ZNF468: variants seen among roughly 807,000 people sequenced by gnomAD.
ZNF468 encodes zinc finger protein 468, also known as zinc finger protein ZNF468.
Under a neutral mutation model 7.2 loss-of-function variants are expected in ZNF468, and 8 were observed. The ratio of observed to expected loss-of-function variants is 1.11; its 90% CI spans 0.65 to 2.01. The LOEUF (loss-of-function observed/expected upper bound fraction) is 2.01, where lower values mean the gene tolerates loss of function less well. Ranked by LOEUF, ZNF468 falls within the 30% of genes most tolerant of loss-of-function variation. The pLI, the probability that ZNF468 is intolerant of heterozygous loss-of-function variation, is 0.00. For synonymous variants in ZNF468, 218 were observed against 214.4 expected (o/e 1.02, Z -0.15); for missense variants, 608 against 626.5 (o/e 0.97, Z 0.31).
rs1009707569 is a variant in ZNF468 at position 52,841,410 on chromosome 19, C to A, written c.884G>T (p.Gly295Val). ...SLFIHKALHT[G>V]EKPYECEECD... Reference sequence around the variant, plus strand: ...TTCTTCACATTCATAAGGTTTCTCTCCAGTATGAAGCGCTTTGTGAATGAA... The same window carrying A: ...TTCTTCACATTCATAAGGTTTCTCTACAGTATGAAGCGCTTTGTGAATGAA... The change falls in exon 4 of 4, where the codon GGA becomes GTA. Residue 295 changes from glycine to valine, a missense_variant. Physicochemically the swap from Gly to Val is moderately radical, Grantham distance 109. Coordinates refer to ENST00000595646, the MANE Select transcript of ZNF468 (RefSeq NM_001008801.2). The A allele has an allele frequency of 6.2e-7, 1 of 1,613,902 alleles. No homozygotes were observed. The highest frequency in any genetic ancestry group is 8.5e-7 in the Non-Finnish European group (1 of 1,180,008).
chr19:52,843,995 G>T (rs548316368), intron 3 of ZNF468, among the ~76,000 whole-genome samples: 1 of 152,100 alleles, frequency 6.6e-6, no homozygotes, highest in African/African-American at 2.4e-5. Context: ...GAAGGAAGAC[G>T]CCTGTAATCC....
chr19:52,852,480 C>T (rs2063398310), intron 2 of ZNF468, among the ~76,000 whole-genome samples: 1 of 152,032 alleles, frequency 6.6e-6, no homozygotes, highest in Admixed American at 6.6e-5. Context: ...TCAATACCAA[C>T]CTGGCCAAGG....
intron 2 of ZNF468, among the ~76,000 whole-genome samples, chr19:52,850,676 G>T: frequency 6.6e-6 from 1 of 151,846 alleles, no homozygotes; most frequent in East Asian, 1.9e-4. Context: ...GAGGTGGGCG[G>T]ATCACGAGGT....
Position 52,840,995 on chromosome 19 carries a change from A to G in ZNF468, c.1299T>C (p.His433=). 6.2e-7 allele frequency: 1 copy of G among 1,614,002 alleles called. No homozygotes were observed. The highest frequency in any genetic ancestry group is 8.5e-7 in the Non-Finnish European group (1 of 1,179,952). The stretch of plus-strand genomic sequence containing the variant: ...TACATTTGTATGGTTTCTCTCCAGT[A>G]TGAATCCTCCTGTGTCTTTCCAGGT... ...KSNLERHRRI[H]TGEKPYKCKV... The change falls in exon 4 of 4, where the codon CAT becomes CAC. Residue 433 remains histidine (H), a synonymous_variant. Coordinates refer to ENST00000595646, the MANE Select transcript of ZNF468 (RefSeq NM_001008801.2).
intron 2 of ZNF468, among the ~76,000 whole-genome samples, chr19:52,850,002 A>G (rs2063373556): frequency 1.3e-5 from 2 of 152,252 alleles, no homozygotes; most frequent in South Asian, 4.2e-4. Context: ...GAGACTCACA[A>G]AACACTAGAT....
chr19:52,857,321 A>G (rs2063449358), intron 1 of ZNF468, among the ~76,000 whole-genome samples: 1 of 152,222 alleles, frequency 6.6e-6, no homozygotes, highest in Non-Finnish European at 1.5e-5. Flanking sequence ...AACGGTTTTG[A>G]GCAGGAAAAC....
intron 2 of ZNF468, among the ~76,000 whole-genome samples, chr19:52,852,770 G>A (rs2063400685): frequency 6.6e-6 from 1 of 152,072 alleles, no homozygotes; most frequent in Non-Finnish European, 1.5e-5. Context: ...AAACTCCAAT[G>A]ACGTGAGTTT....
chr19:52,844,165 G>C (rs1487909265), intron 3 of ZNF468, among the ~76,000 whole-genome samples: 1 of 152,088 alleles, frequency 6.6e-6, no homozygotes, highest in Non-Finnish European at 1.5e-5. Context: ...ATAAGCTTTG[G>C]TAGATGTGGT....
Position 52,840,576 on chromosome 19 carries a change from A to G in ZNF468, c.*149T>C. On this transcript the variant is annotated 3_prime_UTR_variant, in exon 4 of 4. Transcript: ENST00000595646. ...CCCATTTGTAAGGTTTCTCTCCAGT[A>G]TGAAGTCTATGGTGATGTGCAAAGG... is the stretch of plus-strand genomic sequence containing the variant. The G allele has an allele frequency of 1.4e-6, 2 of 1,402,208 alleles. No individual in the cohort carries two copies. Among genetic ancestry groups the G allele is most frequent in the Non-Finnish European group, 2.0e-6 (2 of 992,092 alleles). The allele number at this position is 1,402,208 out of a possible 1,614,324, so 86.9% of individuals were successfully genotyped here.
Position 52,841,026 on chromosome 19 carries a change from T to A in ZNF468, c.1268A>T (p.Lys423Ile). The change falls in exon 4 of 4, where the codon AAA (lysine) becomes ATA (isoleucine). Residue 423 changes from lysine to isoleucine, a missense_variant. Coordinates refer to ENST00000595646, the MANE Select transcript of ZNF468 (RefSeq NM_001008801.2). ...CEECCKVFSR[K>I]SNLERHRRIH... ...CCTCCTGTGTCTTTCCAGGTTTGAT[T>A]TGCGACTGAAAACTTTGCAACATTC... 1 of 1,613,106 alleles carries A rather than the reference T, an allele frequency of 6.2e-7. No individual in the cohort carries two copies.
chr19:52,841,387 C>A lies in ZNF468; in HGVS notation c.907G>T (p.Glu303Ter). Reference sequence around the variant, plus strand: ...TTGCGACTGAAAACTTTGTCACATTCTTCACATTCATAAGGTTTCTCTCCA... The same window carrying A: ...TTGCGACTGAAAACTTTGTCACATTATTCACATTCATAAGGTTTCTCTCCA... ...HTGEKPYECE[E>*]CDKVFSRKSH... The change falls in exon 4 of 4, where the codon GAA (glutamate) becomes TAA (stop). Residue 303 changes from glutamate to a stop codon, truncating the protein, a stop_gained. Coordinates refer to ENST00000595646, the MANE Select transcript of ZNF468 (RefSeq NM_001008801.2). LOFTEE classifies it low-confidence loss of function (END_TRUNC). The A allele has an allele frequency of 6.2e-7, 1 of 1,614,046 alleles. No individual in the cohort carries two copies. Among genetic ancestry groups the A allele is most frequent in the Non-Finnish European group, 8.5e-7 (1 of 1,180,002 alleles).
intron 2 of ZNF468, among the ~76,000 whole-genome samples, chr19:52,853,490 G>A (rs1017200127): frequency 1.3e-5 from 2 of 152,076 alleles, no homozygotes; most frequent in Non-Finnish European, 1.5e-5. Flanking sequence ...GGAGGTTGAG[G>A]CCAGCCTGGC....
intron 2 of ZNF468, among the ~76,000 whole-genome samples, chr19:52,852,513 A>C (rs1364266381): frequency 6.6e-6 from 1 of 151,762 alleles, no homozygotes; most frequent in Non-Finnish European, 1.5e-5. Context: ...GTCTCTAGTA[A>C]AAATACAAAA....
At chr19:52,854,550 C>A (rs543916532) in intron 1 of ZNF468, among the ~76,000 whole-genome samples, 1 of 152,216 alleles carries the variant, frequency 6.6e-6, no homozygotes, top group South Asian at 2.1e-4. Context: ...GGGAGCTGGG[C>A]TGGGATGAGC....
At position 52,841,523 on chromosome 19, in the gene ZNF468, G is replaced by C. The variant is rs377446855; in HGVS notation, c.771C>G (p.Tyr257Ter). ...VCGKVFNQKR[Y>*]LACHRRCHTG... ...TGTGACATCTACGATGGCAGGCAAG[G>C]TATCGCTTCTGATTAAAGACCTTGC... Residue 257 changes from tyrosine to a stop codon, truncating the protein, a stop_gained, in exon 4 of 4, where the codon TAC becomes TAG. Transcript: ENST00000595646. LOFTEE classifies it low-confidence loss of function (END_TRUNC). 1 of 1,614,124 alleles carries C rather than the reference G, an allele frequency of 6.2e-7. No homozygotes were observed. The highest frequency in any genetic ancestry group is 1.1e-5 in the South Asian group (1 of 91,062).
chr19:52,853,623 G>A (rs1321540555), intron 2 of ZNF468, among the ~76,000 whole-genome samples: 8,743 of 117,570 alleles, frequency 0.074, 2 homozygotes, highest in African/African-American at 0.12. Context: ...CCCAGGAGGC[G>A]GAGGTTGCGG....
chr19:52,848,880 C>T (rs1454010911), intron 3 of ZNF468, among the ~76,000 whole-genome samples: 2 of 152,136 alleles, frequency 1.3e-5, no homozygotes, highest in Non-Finnish European at 2.9e-5. Context: ...TACTTTACTT[C>T]TGGAACCCCC....
chr19:52,848,838 AC>A (rs1185386244), intron 3 of ZNF468, among the ~76,000 whole-genome samples: 2 of 152,074 alleles, frequency 1.3e-5, no homozygotes, highest in East Asian at 3.9e-4. Flanking sequence ...GGTGTGAGCC[AC>A]CACGACCAGG....
At chr19:52,855,538 C>T (rs1447997156) in intron 1 of ZNF468, among the ~76,000 whole-genome samples, 3 of 152,228 alleles carry the variant, frequency 2.0e-5, no homozygotes, top group African/African-American at 7.2e-5. Context: ...GGCTTTTGTC[C>T]TGGGGAACAC....
Sources: allele counts gnomAD v4.1 joint callset (sites outside exome capture counted in the v4.1 genomes callset), GRCh38; gene constraint gnomAD v4.1.1; transcripts MANE v1.5; gene names NCBI Gene and HGNC (gene_info 2026-07-23, HGNC 2026-07-21).